Variants in RPS6KA3 observed in about 807,000 individuals in gnomAD.
RPS6KA3 encodes ribosomal protein S6 kinase alpha-3.
RPS6KA3 carries 4 observed loss-of-function variants against 67.2 expected under a neutral mutation model. The observed-to-expected ratio is 0.06, with a 90% CI of 0.03 to 0.14. The LOEUF (loss-of-function observed/expected upper bound fraction) is 0.14, where lower values mean the gene tolerates loss of function less well. Ranked by LOEUF, RPS6KA3 falls within the 10% of genes least tolerant of loss-of-function variation. The probability of loss-of-function intolerance (pLI) is 1.00; values close to 1 mark genes in which losing one functional copy is unlikely to be tolerated. For missense variants in RPS6KA3, 204 were observed against 559.0 expected (o/e 0.36, Z 6.40); for synonymous variants, 182 against 183.7 (o/e 0.99, Z 0.07).
At chrX:20,223,804 T>G (rs1260036497) in intron 2 of RPS6KA3, among the ~76,000 whole-genome samples, 1 of 112,205 alleles carries the variant, frequency 8.9e-6, no homozygotes, top group Non-Finnish European at 1.9e-5. Flanking sequence ...CTATCTGTGC[T>G]TATATCCTGT....
chrX:20,266,276 A>G (rs1030761952), intron 1 of RPS6KA3, among the ~76,000 whole-genome samples: 58 of 107,508 alleles, frequency 5.4e-4, no homozygotes, highest in African/African-American at 1.9e-3. Flanking sequence ...TCCCCCACGC[A>G]AAGTTGATTA....
chrX:20,225,562 A>G (rs953330363), intron 2 of RPS6KA3, among the ~76,000 whole-genome samples: 2 of 111,290 alleles, frequency 1.8e-5, no homozygotes, highest in Admixed American at 9.5e-5. Flanking sequence ...TCAGTCAATA[A>G]GTGTTATTAA....
At chrX:20,194,962 A>C (rs1193953267) in intron 5 of RPS6KA3, 103 bp downstream of exon 5, 2 of 496,123 alleles carry the variant, frequency 4.0e-6, no homozygotes, top group Admixed American at 6.2e-5. Context: ...AGATCTGCTA[A>C]CCACATACAA....
At chrX:20,156,286 G>C in intron 20 of RPS6KA3, 37 bp from the exon 21 acceptor site, 1 of 1,187,421 alleles carries the variant, frequency 8.4e-7, no homozygotes, top group Non-Finnish European at 1.1e-6. Context: ...TAAACCTTTT[G>C]TTTTGCTTCT....
intron 1 of RPS6KA3, among the ~76,000 whole-genome samples, chrX:20,247,385 G>A (rs948663223): frequency 1.8e-5 from 2 of 111,706 alleles, no homozygotes; most frequent in African/African-American, 3.3e-5. Flanking sequence ...AGCTGAGATC[G>A]TGCCTCTATC....
rs112320830 is a variant in RPS6KA3, at chrX:20,222,952, A to C, written c.126+11806T>G. On this transcript the variant is annotated intron_variant, in intron 2 of 21. Transcript: ENST00000379565. The stretch of plus-strand genomic sequence containing the variant: ...ACTAATTCATTCAGACATAATGTGA[A>C]TATTTGGTTTTAGATATATAGTGTT... Among the ~76,000 whole-genome samples the C allele has an allele frequency of 2.3e-3, 262 of 111,729 alleles. 2 individuals carry two copies. The highest frequency in any genetic ancestry group is 8.1e-3 in the African/African-American group (251 of 30,830).
At chrX:20,223,132 G>A (rs1302098341) in intron 2 of RPS6KA3, among the ~76,000 whole-genome samples, 4 of 111,028 alleles carry the variant, frequency 3.6e-5, no homozygotes, top group East Asian at 2.8e-4. Flanking sequence ...TTGTATTTCC[G>A]GGAAAAATCC....
Position 20,155,341 on chromosome X carries a change from G to A in RPS6KA3, c.*57C>T, listed in dbSNP as rs1029691098. 360 of 1,192,240 alleles carry A rather than the reference G, an allele frequency of 3.0e-4. No individual in the cohort carries two copies. Among genetic ancestry groups the A allele is most frequent in the Non-Finnish European group, 3.0e-4 (263 of 880,108 alleles). On this transcript the variant is annotated 3_prime_UTR_variant, in exon 22 of 22. Coordinates refer to ENST00000379565, the MANE Select transcript of RPS6KA3 (RefSeq NM_004586.3). ...GTCTCTCAGATACGTGCTACCTGTC[G>A]CCAGAACTTGTGCTATCAGCTTACA...
chrX:20,263,020 CA>C (rs1280730522), intron 1 of RPS6KA3, among the ~76,000 whole-genome samples: 1 of 111,456 alleles, frequency 9.0e-6, no homozygotes, highest in Non-Finnish European at 1.9e-5. Flanking sequence ...AAATATTTTT[CA>C]GTGCATCATG....
chrX:20,265,360 C>T (rs2070346465), intron 1 of RPS6KA3: 1 of 112,197 alleles, frequency 8.9e-6, no homozygotes, highest in Non-Finnish European at 1.9e-5. Context: ...GTTTTACTGA[C>T]GTAACCAGTA....
intron 10 of RPS6KA3, among the ~76,000 whole-genome samples, chrX:20,184,894 T>C (rs2067939931): frequency 8.9e-6 from 1 of 112,149 alleles, no homozygotes; most frequent in Admixed American, 9.5e-5. Flanking sequence ...GCTAGATTTA[T>C]CACTAGGTAT....
intron 1 of RPS6KA3, among the ~76,000 whole-genome samples, chrX:20,237,459 A>G (rs915101684): frequency 1.8e-5 from 2 of 111,841 alleles, no homozygotes; most frequent in African/African-American, 6.5e-5. Flanking sequence ...CTTACTTTTA[A>G]AGAAAACTGG....
intron 10 of RPS6KA3, among the ~76,000 whole-genome samples, chrX:20,182,517 T>C (rs986125949): frequency 3.6e-5 from 4 of 112,510 alleles, no homozygotes; most frequent in African/African-American, 1.3e-4. Context: ...ACAGAGACTG[T>C]GTGTGGCCCA....
chrX:20,226,170 C>T (rs751905832), intron 2 of RPS6KA3, among the ~76,000 whole-genome samples: 20 of 110,767 alleles, frequency 1.8e-4, no homozygotes, highest in Admixed American at 1.4e-3. Flanking sequence ...GACCCTGTTT[C>T]CAAAATAAAT....
At chrX:20,194,778 T>C (rs1331594226) in intron 5 of RPS6KA3, among the ~76,000 whole-genome samples, 5 of 111,027 alleles carry the variant, frequency 4.5e-5, no homozygotes, top group East Asian at 2.8e-4. Flanking sequence ...AAGGCTAGCA[T>C]ATTATTACTC....
chrX:20,258,079 G>C (rs1231113412), intron 1 of RPS6KA3, among the ~76,000 whole-genome samples: 1 of 111,823 alleles, frequency 8.9e-6, no homozygotes, highest in South Asian at 3.7e-4. Context: ...AATCATACAA[G>C]GTAGAAATGA....
intron 1 of RPS6KA3, among the ~76,000 whole-genome samples, chrX:20,238,916 C>T (rs930855390): frequency 1.8e-5 from 2 of 111,260 alleles, no homozygotes; most frequent in Non-Finnish European, 3.8e-5. Flanking sequence ...TGGAAAATGA[C>T]GGTTGGTTTT....
In RPS6KA3 at chrX:20,245,901, T is replaced by C. The variant is rs763564667; in HGVS notation, c.70-11087A>G. On this transcript the variant is annotated intron_variant, in intron 1 of 21. Coordinates refer to ENST00000379565, the MANE Select transcript of RPS6KA3 (RefSeq NM_004586.3). ...TTGGGAGGCCGAGGCAGGAGGATCA[T>C]GAGGTCAGGAGTTCGAGACCAGCCT... 4.5e-4 allele frequency among the ~76,000 whole-genome samples: 50 copies of C among 110,350 alleles called. 1 individual carries two copies. Among genetic ancestry groups the C allele is most frequent in the African/African-American group, 1.4e-3 (43 of 30,228 alleles).
At chrX:20,172,128 T>C in intron 15 of RPS6KA3, among the ~76,000 whole-genome samples, 1 of 112,091 alleles carries the variant, frequency 8.9e-6, no homozygotes, top group Non-Finnish European at 1.9e-5. Flanking sequence ...ATTGTTTGAA[T>C]TGCTTGAGAT....
Sources: gnomAD v4.1 joint callset for allele counts (sites outside exome capture counted in the v4.1 genomes callset) on GRCh38, gnomAD v4.1.1 for gene constraint, MANE v1.5 for transcripts, NCBI Gene and HGNC (gene_info 2026-07-23, HGNC 2026-07-21) for gene names.